PADI4: variants seen among roughly 807,000 people sequenced by gnomAD.
PADI4 encodes the protein peptidyl arginine deiminase 4.
Under a neutral mutation model 75.0 loss-of-function variants are expected in PADI4, and 62 were observed. That is an observed-to-expected ratio of 0.83 (90% CI 0.67 to 1.02). PADI4 has a LOEUF of 1.02. Ranked by LOEUF, PADI4 falls within the 50% of genes least tolerant of loss-of-function variation. PADI4 has a pLI of 0.00. For missense variants in PADI4, 845 were observed against 850.5 expected (o/e 0.99, Z 0.08); for synonymous variants, 361 against 348.1 (o/e 1.04, Z -0.41).
intron 15 of PADI4, among the ~76,000 whole-genome samples, chr1:17,360,940 T>A (rs980562996): frequency 2.6e-5 from 4 of 151,802 alleles, no homozygotes; most frequent in South Asian, 2.1e-4. Flanking sequence ...GCTGTCTTGA[T>A]ATCATCCATT....
chr1:17,355,583 A>G (rs1188116229), intron 11 of PADI4, among the ~76,000 whole-genome samples: 1 of 151,974 alleles, frequency 6.6e-6, no homozygotes, highest in Non-Finnish European at 1.5e-5. Context: ...CTGCAACACT[A>G]ATTTTTTTTT....
rs532508156 is a variant in PADI4 at position 17,352,043 on chromosome 1, G to A, written c.1156-2490G>A. Among the ~76,000 whole-genome samples, 417 of 117,542 alleles carry A rather than the reference G, an allele frequency of 3.5e-3. 32 individuals carry two copies. Among genetic ancestry groups the A allele is most frequent in the African/African-American group, 0.013 (366 of 27,956 alleles). 77.1% of individuals were successfully genotyped at this position (117,542 alleles called of 152,430 possible). On this transcript the variant is annotated intron_variant, in intron 10 of 15. Coordinates refer to ENST00000375448, the MANE Select transcript of PADI4 (RefSeq NM_012387.3). Reference sequence around the variant, plus strand: ...CGGCCAGGGAGGTGATGGGAGGAGAGGCAGTCAGGGAGGTGATGGGAGGTG... The same window carrying A: ...CGGCCAGGGAGGTGATGGGAGGAGAAGCAGTCAGGGAGGTGATGGGAGGTG...
At chr1:17,311,011 C>T (rs537605380) in intron 1 of PADI4, among the ~76,000 whole-genome samples, 9 of 151,752 alleles carry the variant, frequency 5.9e-5, no homozygotes, top group East Asian at 3.9e-4. Context: ...GCAGGAGAAT[C>T]GCTTGAACCC....
chr1:17,345,884 G>A (rs1455057325), intron 8 of PADI4, 144 bp from the exon 9 acceptor site: 32 of 603,522 alleles, frequency 5.3e-5, no homozygotes, highest in Non-Finnish European at 3.0e-6. Flanking sequence ...GCTAATGCCT[G>A]CTAAGAGCAG....
chr1:17,336,086 C>G, intron 3 of PADI4, 73 bp from the exon 4 acceptor site: 1 of 991,810 alleles, frequency 1.0e-6, no homozygotes, highest in Non-Finnish European at 1.6e-6. Flanking sequence ...AACGACCTGC[C>G]CATTCAGGGC....
rs765538193 is a variant in PADI4 at position 17,356,091 on chromosome 1, C to T, written c.1419C>T (p.Asp473=). ...YSDWLSVGHV[D]EFLSFVPAPD... is the part of the protein sequence containing the mutation. Reference sequence around the variant, plus strand: ...ACTGGCTGTCCGTGGGCCACGTGGACGAGTTCCTGAGCTTTGTGCCAGCAC... The same window carrying T: ...ACTGGCTGTCCGTGGGCCACGTGGATGAGTTCCTGAGCTTTGTGCCAGCAC... Residue 473 remains aspartate, a synonymous_variant, in exon 12 of 16, where the codon GAC becomes GAT. Coordinates refer to ENST00000375448, the MANE Select transcript of PADI4 (RefSeq NM_012387.3). The surrounding 1 kb of genome is among the most constrained non-coding windows in gnomAD (Gnocchi z 4.1). 44 of 1,614,146 alleles carry T rather than the reference C, an allele frequency of 2.7e-5. No homozygotes were observed. The highest frequency in any genetic ancestry group is 3.3e-5 in the South Asian group (3 of 91,086).
chr1:17,335,355 G>A (rs1035267983), intron 3 of PADI4, among the ~76,000 whole-genome samples: 1 of 152,022 alleles, frequency 6.6e-6, no homozygotes, highest in Non-Finnish European at 1.5e-5. Flanking sequence ...CATTTTACAG[G>A]TGAGGAAACT....
chr1:17,350,818 G>A lies in PADI4; in HGVS notation c.1155+2770G>A, dbSNP rs536427227. Among the ~76,000 whole-genome samples the A allele has an allele frequency of 2.3e-5, 3 of 129,866 alleles. 1 individual carries two copies. Among genetic ancestry groups the A allele is most frequent in the South Asian group, 5.8e-4 (2 of 3,452 alleles). 85.2% of individuals were successfully genotyped at this position (129,866 alleles called of 152,430 possible). A position where few individuals can be genotyped will look rare whatever the true frequency, so the allele number is the denominator to read the frequency against. ...AGGTCCCTGACCTCACGGAGGGGAC[G>A]TTCTGGCCCAGAGAGACAGACAGCA... On this transcript the variant is annotated intron_variant, in intron 10 of 15. Coordinates refer to ENST00000375448, the MANE Select transcript of PADI4 (RefSeq NM_012387.3).
At chr1:17,334,080 CT>C (rs773419060) in intron 3 of PADI4, 71 bp downstream of exon 3, 1 of 979,506 alleles carries the variant, frequency 1.0e-6, no homozygotes, top group African/African-American at 1.6e-5. Flanking sequence ...CAGGATGTCT[CT>C]GTAGGAGAAA....
intron 2 of PADI4, among the ~76,000 whole-genome samples, chr1:17,333,675 T>G (rs1480414830): frequency 6.6e-6 from 1 of 151,628 alleles, no homozygotes; most frequent in Non-Finnish European, 1.5e-5. Context: ...CAGATCTACC[T>G]CAAAGCACAC....
chr1:17,314,377 A>T (rs985616257), intron 1 of PADI4, among the ~76,000 whole-genome samples: 1 of 152,194 alleles, frequency 6.6e-6, no homozygotes, highest in East Asian at 1.9e-4. Context: ...TTGGCAGAGA[A>T]ACAAGAGCCT....
chr1:17,351,934 C>A (rs2074636549), intron 10 of PADI4, among the ~76,000 whole-genome samples: 2 of 145,092 alleles, frequency 1.4e-5, no homozygotes, highest in South Asian at 2.1e-4. Context: ...GAGAGGCGGT[C>A]AGGGAGGTGA....
chr1:17,356,648 G>T lies in PADI4; in HGVS notation c.1558+189G>T, dbSNP rs1382565919. Among the ~76,000 whole-genome samples, 1 of 152,216 alleles carries T rather than the reference G, an allele frequency of 6.6e-6. No homozygotes were observed. Among genetic ancestry groups the T allele is most frequent in the Non-Finnish European group, 1.5e-5 (1 of 68,032 alleles). ...AGCTTGCTGCCCTGTGGGCTCACAG[G>T]CCAGGGGGAAGTGAGTCAAAAGAAC... On this transcript the variant is annotated intron_variant, in intron 13 of 15. Coordinates refer to ENST00000375448, the MANE Select transcript of PADI4 (RefSeq NM_012387.3). The surrounding 1 kb of genome is among the most constrained non-coding windows in gnomAD (Gnocchi z 4.1).
chr1:17,356,296 C>A lies in PADI4; in HGVS notation c.1456-61C>A. On this transcript the variant is annotated intron_variant, in intron 12 of 15. Coordinates refer to ENST00000375448, the MANE Select transcript of PADI4 (RefSeq NM_012387.3). This position sits in a 1 kb window ranked among gnomAD's most constrained non-coding sequence, Gnocchi z 4.1. ...ACACTACTCCCACCCTCAGCAGATC[C>A]ACCCTCGTTGGGAGCTCCAGGGGCA... is the stretch of plus-strand genomic sequence containing the variant. The A allele has an allele frequency of 7.5e-7, 1 of 1,335,362 alleles. No individual in the cohort carries two copies. Among genetic ancestry groups the A allele is most frequent in the East Asian group, 2.4e-5 (1 of 40,892 alleles). 82.7% of individuals were successfully genotyped at this position (1,335,362 alleles called of 1,614,324 possible).
intron 1 of PADI4, among the ~76,000 whole-genome samples, chr1:17,312,449 A>G (rs1358523964): frequency 1.5e-5 from 2 of 132,960 alleles, no homozygotes; most frequent in Non-Finnish European, 3.3e-5. Flanking sequence ...AATAAGAGTG[A>G]AACTCCGCCT....
In PADI4 at chr1:17,320,775, C is replaced by T. The variant is rs982909816; in HGVS notation, c.93-10194C>T. Among the ~76,000 whole-genome samples the T allele has an allele frequency of 3.9e-5, 6 of 152,298 alleles. No homozygotes were observed. The South Asian group carries it at 1.2e-3, about 32-fold the overall frequency. ...TCAGCAAGGTCTTTATGACCTGTGTCTTGTGCTGACCTCCTATCTCATCCT... is the reference window on the plus strand; with the variant it reads ...TCAGCAAGGTCTTTATGACCTGTGTTTTGTGCTGACCTCCTATCTCATCCT... On this transcript the variant is annotated intron_variant, in intron 1 of 15. Transcript: ENST00000375448.
rs145309015 is a variant in PADI4, at chr1:17,341,968, C to G, written c.678C>G (p.Ser226Arg). The G allele has an allele frequency of 6.2e-7, 1 of 1,613,932 alleles. No individual in the cohort carries two copies. The highest frequency in any genetic ancestry group is 2.2e-5 in the East Asian group (1 of 44,874). The change falls in exon 7 of 16, where the codon AGC (serine) becomes AGG (arginine). Residue 226 changes from serine to arginine, a missense_variant. Transcript: ENST00000375448. ...GGGGCAAACTGTCCTCCAAGTGCAG[C>G]GTAGTCTTGGGTCCCAAGTGGCCCT... ...ATRGKLSSKC[S>R]VVLGPKWPSH... is the part of the protein sequence containing the mutation.
At chr1:17,358,769 G>T in intron 13 of PADI4, 69 bp from the exon 14 acceptor site, 1 of 976,716 alleles carries the variant, frequency 1.0e-6, no homozygotes, top group Non-Finnish European at 1.6e-6. Flanking sequence ...TCCCCCCCCG[G>T]CACTGGCTGG....
At chr1:17,335,168 T>C (rs2074288481) in intron 3 of PADI4, among the ~76,000 whole-genome samples, 1 of 151,690 alleles carries the variant, frequency 6.6e-6, no homozygotes, top group Non-Finnish European at 1.5e-5. Context: ...CACACACATA[T>C]ATATATAATA....
Sources: gnomAD v4.1 joint callset for allele counts (sites outside exome capture counted in the v4.1 genomes callset) on GRCh38, gnomAD v4.1.1 for gene constraint, Gnocchi (gnomAD v3.1) non-coding constraint, MANE v1.5 for transcripts, NCBI Gene and HGNC (gene_info 2026-07-23, HGNC 2026-07-21) for gene names.